GRM8: variants seen among roughly 807,000 people sequenced by gnomAD.
The protein encoded by GRM8 is glutamate metabotropic receptor 8, also known as metabotropic glutamate receptor 8.
A neutral mutation model predicts 87.2 loss-of-function variants in GRM8; 47 were observed. The observed-to-expected ratio is 0.54, with a 90% CI of 0.43 to 0.69. GRM8 has a LOEUF of 0.69. GRM8 is among the 30% of genes least tolerant of loss of function. The pLI, the probability that GRM8 is intolerant of heterozygous loss-of-function variation, is 0.00. For synonymous variants in GRM8, 396 were observed against 404.5 expected, an observed-to-expected ratio of 0.98 and a Z score of 0.25; for missense variants, 1,019 against 1,139.2, an observed-to-expected ratio of 0.89 and a Z score of 1.52.
intron 6 of GRM8, among the ~76,000 whole-genome samples, chr7:126,846,319 G>A (rs888053387): frequency 6.6e-6 from 1 of 152,194 alleles, no homozygotes; most frequent in Non-Finnish European, 1.5e-5. Flanking sequence ...CCAAATGTAG[G>A]AGAAGATGAT....
chr7:126,933,118 A>G (rs1015790985), intron 3 of GRM8, among the ~76,000 whole-genome samples: 25 of 152,212 alleles, frequency 1.6e-4, no homozygotes, highest in African/African-American at 5.5e-4. Flanking sequence ...ATCCTCTCAC[A>G]GTTACAAGAA....
At chr7:126,878,396 G>T (rs1799714765) in intron 6 of GRM8, among the ~76,000 whole-genome samples, 1 of 152,162 alleles carries the variant, frequency 6.6e-6, no homozygotes, top group Non-Finnish European at 1.5e-5. Flanking sequence ...CAGGACTTCA[G>T]CCTGTGTGTT....
intron 7 of GRM8, among the ~76,000 whole-genome samples, chr7:126,757,272 G>A (rs987671280): frequency 6.6e-6 from 1 of 152,046 alleles, no homozygotes; most frequent in Admixed American, 6.6e-5. Context: ...AGTTAGGAGA[G>A]CGACTTCTTG....
intron 3 of GRM8, among the ~76,000 whole-genome samples, chr7:126,984,551 A>G (rs940617812): frequency 2.0e-5 from 3 of 152,168 alleles, no homozygotes; most frequent in Non-Finnish European, 4.4e-5. Flanking sequence ...CCAGACTCCA[A>G]ATTCTTCAGC....
rs181934110 is a variant in GRM8, at chr7:126,690,462, C to T, written c.1357+79403G>A. The stretch of plus-strand genomic sequence containing the variant: ...AGTTTCCACGGCTGGCACTGGGGAA[C>T]GCAGTGGTGCCCAGAAGCTTGAAGA... On this transcript the variant is annotated intron_variant, in intron 7 of 10. Coordinates refer to ENST00000339582, the MANE Select transcript of GRM8 (RefSeq NM_000845.3). Among the ~76,000 whole-genome samples the T allele has an allele frequency of 3.3e-5, 5 of 152,336 alleles. No individual in the cohort carries two copies. The East Asian group carries it at 5.8e-4, about 18-fold the overall frequency.
intron 3 of GRM8, among the ~76,000 whole-genome samples, chr7:126,986,223 T>C (rs1812053061): frequency 6.6e-6 from 1 of 152,118 alleles, no homozygotes; most frequent in Non-Finnish European, 1.5e-5. Flanking sequence ...CTTTCAACCC[T>C]GGTCTCAAAC....
intron 8 of GRM8, among the ~76,000 whole-genome samples, chr7:126,548,397 A>G (rs1817412076): frequency 6.6e-6 from 1 of 152,222 alleles, no homozygotes; most frequent in Non-Finnish European, 1.5e-5. Context: ...CCTTAAGTAT[A>G]TAAAAAACAA....
chr7:127,205,305 TC>T, intron 2 of GRM8, among the ~76,000 whole-genome samples: 1 of 152,300 alleles, frequency 6.6e-6, no homozygotes, highest in South Asian at 2.1e-4. Context: ...CATAGAACTT[TC>T]ATTCAAGGCG....
At chr7:126,657,453 A>C (rs1023594898) in intron 7 of GRM8, among the ~76,000 whole-genome samples, 1 of 152,226 alleles carries the variant, frequency 6.6e-6, no homozygotes, top group Non-Finnish European at 1.5e-5. Context: ...TCCAATTTAC[A>C]AACAAGATAA....
At chr7:126,839,121 G>A (rs563855132) in intron 6 of GRM8, among the ~76,000 whole-genome samples, 2 of 152,200 alleles carry the variant, frequency 1.3e-5, no homozygotes, top group South Asian at 2.1e-4. Flanking sequence ...TTTTGGCCGG[G>A]AACTATACCA....
At chr7:126,722,272 C>T (rs1266104171) in intron 7 of GRM8, among the ~76,000 whole-genome samples, 1 of 152,180 alleles carries the variant, frequency 6.6e-6, no homozygotes, top group African/African-American at 2.4e-5. Flanking sequence ...AGCAACACTT[C>T]CATCACCTAA....
At chr7:126,501,637 T>C (rs949729723) in intron 9 of GRM8, among the ~76,000 whole-genome samples, 2 of 152,038 alleles carry the variant, frequency 1.3e-5, no homozygotes, top group African/African-American at 2.4e-5. Flanking sequence ...ATACTTGTCA[T>C]TGGGGATTTG....
chr7:126,711,002 G>A (rs1811040416), intron 7 of GRM8, among the ~76,000 whole-genome samples: 1 of 152,088 alleles, frequency 6.6e-6, no homozygotes, highest in Non-Finnish European at 1.5e-5. Context: ...GTGAAACCCT[G>A]TCTCTACTAA....
intron 9 of GRM8, among the ~76,000 whole-genome samples, chr7:126,494,969 T>C (rs1453025072): frequency 6.6e-6 from 1 of 152,096 alleles, no homozygotes; most frequent in Non-Finnish European, 1.5e-5. Flanking sequence ...TAAGATCTCT[T>C]ATTAATGGAC....
intron 3 of GRM8, among the ~76,000 whole-genome samples, chr7:127,005,313 G>T (rs1043549830): frequency 2.6e-5 from 4 of 151,468 alleles, no homozygotes; most frequent in Admixed American, 2.0e-4. Context: ...AATAAATTGT[G>T]AATCTTTCTC....
chr7:126,907,297 A>G (rs1393008840), intron 3 of GRM8, among the ~76,000 whole-genome samples: 1 of 143,506 alleles, frequency 7.0e-6, no homozygotes, highest in Non-Finnish European at 1.5e-5. Flanking sequence ...GGGAGGAGGA[A>G]GAGGGAGGAG....
chr7:126,831,932 T>C (rs1308117106), intron 6 of GRM8, among the ~76,000 whole-genome samples: 1 of 152,244 alleles, frequency 6.6e-6, no homozygotes, highest in Non-Finnish European at 1.5e-5. Context: ...TTCTGTTTCA[T>C]TTTAAGAGTT....
intron 6 of GRM8, among the ~76,000 whole-genome samples, chr7:126,878,296 T>A (rs1799707023): frequency 6.6e-6 from 1 of 152,140 alleles, no homozygotes; most frequent in African/African-American, 2.4e-5. Flanking sequence ...CTGAGGCAGC[T>A]CCATAGGAAA....
Position 126,777,780 on chromosome 7 carries a change from C to A in GRM8, c.1157-7715G>T, listed in dbSNP as rs142731667. 3.5e-3 allele frequency among the ~76,000 whole-genome samples: 526 copies of A among 152,162 alleles called. 6 individuals carry two copies. The highest frequency in any genetic ancestry group is 0.012 in the African/African-American group (503 of 41,530). ...TTTCTATAACATTTTAAGCATTTTT[C>A]TGAACTGTTAAACAAACAAAAAAAA... On this transcript the variant is annotated intron_variant, in intron 6 of 10. Transcript: ENST00000339582.
Sources: allele counts gnomAD v4.1 joint callset (sites outside exome capture counted in the v4.1 genomes callset), GRCh38; gene constraint gnomAD v4.1.1; transcripts MANE v1.5; gene names NCBI Gene and HGNC (gene_info 2026-07-23, HGNC 2026-07-21).